Variants in GRB14 observed in about 807,000 individuals in gnomAD.
The protein encoded by GRB14 is growth factor receptor bound protein 14, also known as growth factor receptor-bound protein 14.
In GRB14, 38 loss-of-function variants were observed where a neutral mutation model predicts 69.1. That is an observed-to-expected ratio of 0.55 (90% confidence interval 0.42 to 0.72). The LOEUF (loss-of-function observed/expected upper bound fraction) is 0.72. Among genes scored for constraint, GRB14 ranks in the 30% least tolerant of loss-of-function variants. The pLI is 0.00. For missense variants in GRB14, 666 were observed against 666.1 expected (o/e 1.00, Z 0.00); for synonymous variants, 247 against 241.3 (o/e 1.02, Z -0.22).
chr2:164,492,944 A>T lies in GRB14; in HGVS notation c.*92T>A. ...CTTGCAGGTGAAATACATTCTTTTC[A>T]CATGGTAATGTTTTCGCCCTTATTT... On this transcript the variant is annotated 3_prime_UTR_variant, in exon 14 of 14. Transcript: ENST00000263915. The T allele has an allele frequency of 8.4e-7, 1 of 1,185,386 alleles. No individual in the cohort carries two copies. The highest frequency in any genetic ancestry group is 1.2e-6 in the Non-Finnish European group (1 of 856,426). 73.4% of individuals were successfully genotyped at this position (1,185,386 alleles called of 1,614,324 possible).
chr2:164,615,091 T>C (rs1690256694), intron 2 of GRB14, among the ~76,000 whole-genome samples: 1 of 152,198 alleles, frequency 6.6e-6, no homozygotes, highest in Non-Finnish European at 1.5e-5. Flanking sequence ...TGATACTCTT[T>C]TTGATCTCCC....
intron 2 of GRB14, among the ~76,000 whole-genome samples, chr2:164,581,276 T>C (rs946932949): frequency 6.6e-6 from 1 of 152,216 alleles, no homozygotes; most frequent in African/African-American, 2.4e-5. Flanking sequence ...TGTGAATATG[T>C]AATCTTACAT....
intron 2 of GRB14, among the ~76,000 whole-genome samples, chr2:164,555,987 A>G (rs752420209): frequency 1.3e-5 from 2 of 152,086 alleles, no homozygotes; most frequent in Non-Finnish European, 2.9e-5. Flanking sequence ...CATGAGAAAT[A>G]TTTTTATATC....
chr2:164,533,263 T>C (rs929455919), intron 3 of GRB14, among the ~76,000 whole-genome samples: 5 of 142,706 alleles, frequency 3.5e-5, no homozygotes, highest in African/African-American at 1.3e-4. Context: ...GATGGAGTCT[T>C]GCTCTGTCGC....
chr2:164,513,935 T>C (rs1367485444), intron 6 of GRB14, among the ~76,000 whole-genome samples: 1 of 152,174 alleles, frequency 6.6e-6, no homozygotes, highest in African/African-American at 2.4e-5. Flanking sequence ...TGCCAAAGAC[T>C]ATATAACATA....
At chr2:164,502,108 T>A (rs891302891) in intron 9 of GRB14, 147 bp downstream of exon 9, 1 of 435,730 alleles carries the variant, frequency 2.3e-6, no homozygotes, top group Non-Finnish European at 4.2e-6. Context: ...AAAAATTCAA[T>A]GTAACATTAT....
At chr2:164,544,394 T>C (rs1463152306) in intron 3 of GRB14, among the ~76,000 whole-genome samples, 2 of 152,122 alleles carry the variant, frequency 1.3e-5, no homozygotes, top group African/African-American at 4.8e-5. Context: ...TAAATGGTAG[T>C]GACTATAACA....
chr2:164,567,644 C>T (rs1689010715), intron 2 of GRB14, among the ~76,000 whole-genome samples: 1 of 152,076 alleles, frequency 6.6e-6, no homozygotes, highest in African/African-American at 2.4e-5. Context: ...GACATGGTTG[C>T]ATATACCACC....
At chr2:164,561,545 AC>A (rs1688829102) in intron 2 of GRB14, among the ~76,000 whole-genome samples, 1 of 152,234 alleles carries the variant, frequency 6.6e-6, no homozygotes, top group South Asian at 2.1e-4. Flanking sequence ...CCATGAAAAG[AC>A]TACAGGTGAG....
At chr2:164,593,020 T>A (rs893397782) in intron 2 of GRB14, among the ~76,000 whole-genome samples, 3 of 152,350 alleles carry the variant, frequency 2.0e-5, no homozygotes, top group Non-Finnish European at 2.9e-5. Context: ...AATTACTTTA[T>A]GTTACATAGC....
chr2:164,582,482 T>C (rs1443949612), intron 2 of GRB14, among the ~76,000 whole-genome samples: 3 of 151,352 alleles, frequency 2.0e-5, no homozygotes, highest in Non-Finnish European at 2.9e-5. Context: ...AGTGCAGTAG[T>C]GCAATCTCGG....
intron 2 of GRB14, among the ~76,000 whole-genome samples, chr2:164,548,306 C>G (rs986636274): frequency 6.6e-6 from 1 of 152,130 alleles, no homozygotes; most frequent in African/African-American, 2.4e-5. Flanking sequence ...AGCTTAATGT[C>G]CTCTGGGTTC....
chr2:164,605,000 T>C (rs994969033), intron 2 of GRB14, among the ~76,000 whole-genome samples: 1 of 152,274 alleles, frequency 6.6e-6, no homozygotes, highest in East Asian at 1.9e-4. Context: ...TGCCAGTAAA[T>C]TGTAGATTTG....
At chr2:164,555,045 A>G (rs953808022) in intron 2 of GRB14, among the ~76,000 whole-genome samples, 1 of 152,198 alleles carries the variant, frequency 6.6e-6, no homozygotes, top group African/African-American at 2.4e-5. Context: ...AGTATGTATC[A>G]CCTTGCTCCC....
chr2:164,543,255 C>T (rs953007429), intron 3 of GRB14, among the ~76,000 whole-genome samples: 2 of 151,338 alleles, frequency 1.3e-5, no homozygotes, highest in Non-Finnish European at 2.9e-5. Flanking sequence ...GAGCTAAGAT[C>T]GCGCCACTGC....
intron 2 of GRB14, among the ~76,000 whole-genome samples, chr2:164,562,648 A>G (rs1242515449): frequency 6.6e-6 from 1 of 152,228 alleles, no homozygotes; most frequent in Non-Finnish European, 1.5e-5. Context: ...AAAAAGGGAA[A>G]TTCATATTTG....
chr2:164,586,951 G>A (rs1238451924), intron 2 of GRB14, among the ~76,000 whole-genome samples: 1 of 152,068 alleles, frequency 6.6e-6, no homozygotes, highest in Non-Finnish European at 1.5e-5. Flanking sequence ...ACAGAAGAAA[G>A]AAAATAATGA....
intron 6 of GRB14, among the ~76,000 whole-genome samples, chr2:164,512,999 C>A (rs1428683638): frequency 1.3e-5 from 2 of 152,144 alleles, no homozygotes; most frequent in Non-Finnish European, 2.9e-5. Flanking sequence ...TTTCTTTTAT[C>A]TTTAAGAACA....
chr2:164,559,791 G>T (rs1254738972), intron 2 of GRB14, among the ~76,000 whole-genome samples: 4 of 152,032 alleles, frequency 2.6e-5, no homozygotes, highest in Admixed American at 6.6e-5. Context: ...ATTTTCCTCT[G>T]GGTAGATACC....
Sources: gnomAD v4.1 joint callset for allele counts (sites outside exome capture counted in the v4.1 genomes callset) on GRCh38, gnomAD v4.1.1 for gene constraint, MANE v1.5 for transcripts, NCBI Gene and HGNC (gene_info 2026-07-23, HGNC 2026-07-21) for gene names.